Variants in CHODL observed in about 807,000 individuals in gnomAD.
CHODL encodes chondrolectin.
CHODL carries 29 observed loss-of-function variants against 34.5 expected under a neutral mutation model. The ratio of observed to expected loss-of-function variants is 0.84; its 90% CI spans 0.63 to 1.15. The LOEUF (loss-of-function observed/expected upper bound fraction) is 1.15. CHODL is among the 50% of genes most tolerant of loss of function. CHODL has a pLI of 0.00. For synonymous variants in CHODL, 125 were observed against 116.1 expected (o/e 1.08, Z -0.49); for missense variants, 332 against 332.5 (o/e 1.00, Z 0.01).
intron 2 of CHODL, among the ~76,000 whole-genome samples, chr21:18,072,027 T>A (rs2064811671): frequency 6.6e-6 from 1 of 152,054 alleles, no homozygotes; most frequent in Non-Finnish European, 1.5e-5. Flanking sequence ...ATTACAGAAG[T>A]ATATGGCTGA....
intron 1 of CHODL, among the ~76,000 whole-genome samples, chr21:17,935,840 G>A (rs1461742041): frequency 1.3e-5 from 2 of 152,164 alleles, no homozygotes; most frequent in South Asian, 2.1e-4. Flanking sequence ...GGTGCTGATT[G>A]AGGTGATGTA....
At chr21:18,055,239 A>G (rs1307625827) in intron 2 of CHODL, among the ~76,000 whole-genome samples, 1 of 152,002 alleles carries the variant, frequency 6.6e-6, no homozygotes, top group Non-Finnish European at 1.5e-5. Context: ...TTTAAATAGT[A>G]ACGAAGAATG....
chr21:18,074,291 C>T (rs1416419897), intron 2 of CHODL, among the ~76,000 whole-genome samples: 1 of 152,118 alleles, frequency 6.6e-6, no homozygotes, highest in Non-Finnish European at 1.5e-5. Context: ...CTGACTTAGA[C>T]ACAAGTCACT....
chr21:18,203,832 G>A (rs1034413120), intron 2 of CHODL, among the ~76,000 whole-genome samples: 3 of 152,050 alleles, frequency 2.0e-5, no homozygotes, highest in African/African-American at 4.8e-5. Context: ...AGATAACCTG[G>A]GAAGTTTGAA....
At chr21:18,044,420 G>A (rs2064415654) in intron 2 of CHODL, among the ~76,000 whole-genome samples, 1 of 151,752 alleles carries the variant, frequency 6.6e-6, no homozygotes, top group Non-Finnish European at 1.5e-5. Context: ...TGAGACTGCA[G>A]AAAAAAGAAA....
intron 2 of CHODL, among the ~76,000 whole-genome samples, chr21:18,074,534 C>A (rs942533731): frequency 6.6e-6 from 1 of 152,084 alleles, no homozygotes; most frequent in African/African-American, 2.4e-5. Flanking sequence ...GGGATGGATG[C>A]ATTGTATTTT....
intron 2 of CHODL, among the ~76,000 whole-genome samples, chr21:18,139,728 C>CGACA (rs1194198516): frequency 6.6e-6 from 1 of 152,158 alleles, no homozygotes. Context: ...AAATCACCCA[C>CGACA]GACATTTAGA....
intron 2 of CHODL, among the ~76,000 whole-genome samples, chr21:18,174,030 C>G (rs1027321832): frequency 1.6e-5 from 2 of 128,828 alleles, no homozygotes; most frequent in African/African-American, 2.7e-5. Flanking sequence ...AGAAAAAAAT[C>G]TAAATAACCA....
At chr21:18,166,200 G>A (rs1223731221) in intron 2 of CHODL, among the ~76,000 whole-genome samples, 1 of 152,156 alleles carries the variant, frequency 6.6e-6, no homozygotes, top group Non-Finnish European at 1.5e-5. Context: ...GGATCTCCTA[G>A]TTCCTAGGAT....
chr21:17,984,147 A>C (rs924628831), intron 1 of CHODL, among the ~76,000 whole-genome samples: 1 of 152,200 alleles, frequency 6.6e-6, no homozygotes, highest in African/African-American at 2.4e-5. Flanking sequence ...AAGTGGAATC[A>C]TGCAGTGGTT....
At chr21:17,997,994 G>A (rs1400580175) in intron 1 of CHODL, among the ~76,000 whole-genome samples, 1 of 152,142 alleles carries the variant, frequency 6.6e-6, no homozygotes, top group African/African-American at 2.4e-5. Flanking sequence ...TAACTTAAAA[G>A]TCCACAGTCC....
chr21:18,040,237 G>A (rs1240689006), intron 2 of CHODL, among the ~76,000 whole-genome samples: 2 of 151,754 alleles, frequency 1.3e-5, no homozygotes, highest in Non-Finnish European at 2.9e-5. Context: ...ACTACATGTG[G>A]ACAATTCTTT....
intron 2 of CHODL, among the ~76,000 whole-genome samples, chr21:18,164,047 T>C (rs1190676869): frequency 2.6e-5 from 4 of 152,228 alleles, no homozygotes; most frequent in Non-Finnish European, 5.9e-5. Context: ...CATTAAACTT[T>C]TATATTAATT....
At chr21:17,986,819 A>G (rs566053259) in intron 1 of CHODL, among the ~76,000 whole-genome samples, 1 of 152,208 alleles carries the variant, frequency 6.6e-6, no homozygotes, top group African/African-American at 2.4e-5. Context: ...GCAGTACTTT[A>G]ATTAATCAGA....
chr21:18,144,562 A>G (rs560596560), intron 2 of CHODL, among the ~76,000 whole-genome samples: 2 of 152,226 alleles, frequency 1.3e-5, no homozygotes, highest in African/African-American at 4.8e-5. Context: ...TTATGTTCAC[A>G]CAAAGACCAC....
At chr21:17,937,013 G>T (rs758842869) in intron 1 of CHODL, among the ~76,000 whole-genome samples, 3 of 151,154 alleles carry the variant, frequency 2.0e-5, no homozygotes, top group Non-Finnish European at 4.4e-5. Flanking sequence ...GGCAGAGGTT[G>T]CAGTGAGCCG....
chr21:18,128,316 AAAAAAAAAAAAAAAAAAAAAAAAAAG>A, intron 2 of CHODL, among the ~76,000 whole-genome samples: 2 of 115,794 alleles, frequency 1.7e-5, no homozygotes, highest in South Asian at 2.7e-4. Flanking sequence ...AAAAAAAAAA[AAAAAAAAAAAAAAAAAAAAAAAAAAG>A]AAGAAGAAGA....
At chr21:17,988,370 GTTTT>G (rs1203424420) in intron 1 of CHODL, among the ~76,000 whole-genome samples, 4 of 132,586 alleles carry the variant, frequency 3.0e-5, no homozygotes, top group African/African-American at 1.1e-4. Flanking sequence ...CCTGTGGGAA[GTTTT>G]TTTTTTTTTT....
intron 1 of CHODL, among the ~76,000 whole-genome samples, chr21:17,967,223 A>G (rs1456723561): frequency 6.6e-6 from 1 of 151,996 alleles, no homozygotes; most frequent in Non-Finnish European, 1.5e-5. Context: ...ATTGTATTTT[A>G]TTTTAACAGT....
Sources: gnomAD v4.1 joint callset for allele counts (sites outside exome capture counted in the v4.1 genomes callset) on GRCh38, gnomAD v4.1.1 for gene constraint, MANE v1.5 for transcripts, NCBI Gene and HGNC (gene_info 2026-07-23, HGNC 2026-07-21) for gene names.